Variants in CSTPP1 observed in about 807,000 individuals in gnomAD.
CSTPP1 encodes centriolar satellite-associated tubulin polyglutamylase complex regulator 1, also known as UPF0705 protein C11orf49.
chr11:46,979,288 C>T, the CSTPP1 span, among the ~76,000 whole-genome samples: 1 of 152,126 alleles, frequency 6.6e-6, no homozygotes, highest in African/African-American at 2.4e-5. Flanking sequence ...TAATTTTCAC[C>T]TTGTAATTTT....
chr11:47,050,329 T>C, the CSTPP1 span, among the ~76,000 whole-genome samples: 6 of 152,190 alleles, frequency 3.9e-5, no homozygotes, highest in Non-Finnish European at 8.8e-5. Context: ...TGAGTAACTA[T>C]CAGTTAGGTA....
chr11:47,005,854 A>C, the CSTPP1 span, among the ~76,000 whole-genome samples: 11 of 152,228 alleles, frequency 7.2e-5, no homozygotes, highest in African/African-American at 2.7e-4. Context: ...TTAAGATACA[A>C]TAAGTGTTGA....
At chr11:46,987,455 C>A in the CSTPP1 span, 1 of 680,088 alleles carries the variant, frequency 1.5e-6, no homozygotes. Flanking sequence ...GTGGGCCGCC[C>A]AAACATGTTT....
chr11:47,117,043 G>C, the CSTPP1 span, among the ~76,000 whole-genome samples: 1 of 152,112 alleles, frequency 6.6e-6, no homozygotes, highest in Non-Finnish European at 1.5e-5. Context: ...CACGTGAGAT[G>C]GGTCTCCTGA....
the CSTPP1 span, among the ~76,000 whole-genome samples, chr11:47,012,531 A>G: frequency 2.0e-5 from 3 of 152,302 alleles, no homozygotes; most frequent in East Asian, 5.8e-4. Context: ...TAGCAAAGCA[A>G]ACTTTATTTG....
the CSTPP1 span, among the ~76,000 whole-genome samples, chr11:47,013,706 C>T: frequency 2.0e-5 from 3 of 152,132 alleles, no homozygotes; most frequent in Non-Finnish European, 4.4e-5. Context: ...CATATGCATG[C>T]ATGTATCTTT....
At chr11:46,939,841 T>G in the CSTPP1 span, among the ~76,000 whole-genome samples, 1 of 152,138 alleles carries the variant, frequency 6.6e-6, no homozygotes, top group African/African-American at 2.4e-5. Flanking sequence ...ATTTAATACA[T>G]CTTGAAGTAA....
At chr11:47,052,362 T>A in the CSTPP1 span, 8 of 1,600,612 alleles carry the variant, frequency 5.0e-6, no homozygotes, top group African/African-American at 4.0e-5. Context: ...CATCTAACAA[T>A]GACTTCTTGA....
At chr11:47,077,341 A>C in the CSTPP1 span, among the ~76,000 whole-genome samples, 4 of 151,942 alleles carry the variant, frequency 2.6e-5, no homozygotes, top group Non-Finnish European at 5.9e-5. Context: ...CTGAGATTAG[A>C]GGCACCCGCC....
the CSTPP1 span, among the ~76,000 whole-genome samples, chr11:47,146,615 G>A: frequency 6.6e-6 from 1 of 152,168 alleles, no homozygotes; most frequent in Non-Finnish European, 1.5e-5. Flanking sequence ...GTGAGGATGT[G>A]AAATAGTGGG....
the CSTPP1 span, among the ~76,000 whole-genome samples, chr11:47,122,091 A>AAAAAAAAAAAAAAAT: frequency 3.1e-4 from 10 of 31,832 alleles, no homozygotes; most frequent in East Asian, 6.8e-4. Context: ...AAAAAAAAAA[A>AAAAAAAAAAAAAAAT]ATATATATAT....
chr11:47,162,566 T>G, the CSTPP1 span, among the ~76,000 whole-genome samples: 34,966 of 152,116 alleles, frequency 0.23, 4,946 homozygotes, highest in East Asian at 0.65. Flanking sequence ...GCCAAGCACC[T>G]GCTTGGGGTT....
At chr11:46,956,624 G>A in the CSTPP1 span, among the ~76,000 whole-genome samples, 1 of 152,074 alleles carries the variant, frequency 6.6e-6, no homozygotes, top group Non-Finnish European at 1.5e-5. Flanking sequence ...GCATGTAAAC[G>A]AAACCCCCTT....
At chr11:46,994,224 G>C in the CSTPP1 span, among the ~76,000 whole-genome samples, 4 of 152,126 alleles carry the variant, frequency 2.6e-5, no homozygotes, top group Non-Finnish European at 4.4e-5. Flanking sequence ...CATCTGCAAA[G>C]AGGGACAATT....
At chr11:47,077,665 A>G in the CSTPP1 span, among the ~76,000 whole-genome samples, 1 of 152,232 alleles carries the variant, frequency 6.6e-6, no homozygotes, top group Non-Finnish European at 1.5e-5. Flanking sequence ...AGAGAAAGAA[A>G]GAGAATTCTT....
the CSTPP1 span, among the ~76,000 whole-genome samples, chr11:47,131,579 G>A: frequency 6.6e-6 from 1 of 152,310 alleles, no homozygotes; most frequent in African/African-American, 2.4e-5. Context: ...TTGAGTCAGG[G>A]CAGTGCTTAT....
the CSTPP1 span, among the ~76,000 whole-genome samples, chr11:47,035,597 T>C: frequency 3.9e-5 from 6 of 152,206 alleles, no homozygotes; most frequent in Non-Finnish European, 8.8e-5. Context: ...TATGATTTAA[T>C]ACTGTATGTT....
the CSTPP1 span, among the ~76,000 whole-genome samples, chr11:47,053,526 C>G: frequency 2.0e-5 from 3 of 148,240 alleles, no homozygotes; most frequent in African/African-American, 7.5e-5. Context: ...GGCTGAGGAA[C>G]GAAAATCGTT....
the CSTPP1 span, among the ~76,000 whole-genome samples, chr11:46,975,996 T>C: frequency 6.6e-6 from 1 of 152,130 alleles, no homozygotes; most frequent in Non-Finnish European, 1.5e-5. Flanking sequence ...ACTTTTCAGG[T>C]CAGGGGGCTT....
Sources: gnomAD v4.1 joint callset for allele counts (sites outside exome capture counted in the v4.1 genomes callset) on GRCh38, gnomAD v4.1.1 for gene constraint, MANE v1.5 for transcripts, NCBI Gene and HGNC (gene_info 2026-07-23, HGNC 2026-07-21) for gene names.